The following GRK5 variants were observed in gnomAD, a reference collection of about 807,000 sequenced individuals.
GRK5 encodes the protein g protein-coupled receptor kinase GRK5.
In GRK5, 40 loss-of-function variants were observed where a neutral mutation model predicts 78.4. The ratio of observed to expected loss-of-function variants is 0.51; its 90% CI spans 0.40 to 0.66. The LOEUF is 0.66. GRK5 is among the 30% of genes least tolerant of loss of function. The probability of loss-of-function intolerance (pLI) is 0.00; values close to 1 mark genes in which losing one functional copy is unlikely to be tolerated. For missense variants in GRK5, 598 were observed against 759.9 expected (o/e 0.79, Z 2.50); for synonymous variants, 289 against 296.8 (o/e 0.97, Z 0.27).
At chr10:119,221,983 T>C (rs894050683) in intron 1 of GRK5, among the ~76,000 whole-genome samples, 4 of 152,312 alleles carry the variant, frequency 2.6e-5, no homozygotes, top group African/African-American at 7.2e-5. Flanking sequence ...GGATTTTGCA[T>C]GTGTAAATCA....
At chr10:119,315,353 A>G (rs868316321) in intron 1 of GRK5, among the ~76,000 whole-genome samples, 16 of 152,202 alleles carry the variant, frequency 1.1e-4, no homozygotes, top group African/African-American at 3.9e-4. Context: ...TCGGGCCTGG[A>G]TGAAAAGAGA....
intron 1 of GRK5, among the ~76,000 whole-genome samples, chr10:119,311,921 T>C (rs1049646319): frequency 4.6e-5 from 7 of 150,772 alleles, no homozygotes; most frequent in African/African-American, 1.7e-4. Flanking sequence ...TTCATTTTTT[T>C]TTTTTTTTTT....
chr10:119,271,284 C>G lies in GRK5; in HGVS notation c.53-55232C>G, dbSNP rs753282490. Among the ~76,000 whole-genome samples the G allele has an allele frequency of 2.6e-5, 4 of 152,328 alleles. No individual in the cohort carries two copies. In the East Asian group the frequency reaches 7.7e-4, roughly 29 times the overall value. On this transcript the variant is annotated intron_variant, in intron 1 of 15. Transcript: ENST00000392870. This position sits in a 1 kb window ranked among gnomAD's most constrained non-coding sequence, Gnocchi z 4.1. ...CACGCCTGGCCTCTTTAGAGGCTCT[C>G]TCATCCCCTCGAGCTGCCAACACAA...
rs574517294 is a variant in GRK5 at position 119,440,951 on chromosome 10, C to G, written c.968-1048C>G. On this transcript the variant is annotated intron_variant, in intron 10 of 15. Transcript: ENST00000392870. ...CAAAACTGAGCCTCAGGGGAGCCAT[C>G]CTGCCAAAGTCACCCAGCAGCATCA... Among the ~76,000 whole-genome samples the G allele has an allele frequency of 3.9e-5, 6 of 152,320 alleles. No individual in the cohort carries two copies. The East Asian group carries it at 1.2e-3, about 29-fold the overall frequency.
At chr10:119,404,951 G>A (rs142177462) in intron 4 of GRK5, among the ~76,000 whole-genome samples, 1,698 of 152,342 alleles carry the variant, frequency 0.011, 22 homozygotes, top group Middle Eastern at 0.034. Flanking sequence ...ATGGGGAAGC[G>A]CCTGCGTGAC....
intron 1 of GRK5, among the ~76,000 whole-genome samples, chr10:119,263,010 T>G (rs1849437228): frequency 6.6e-6 from 1 of 152,088 alleles, no homozygotes; most frequent in African/African-American, 2.4e-5. Flanking sequence ...AGATTCACAA[T>G]GTACATTTTT....
chr10:119,302,753 A>G lies in GRK5; in HGVS notation c.53-23763A>G, dbSNP rs182748681. ...TGATCAGAGGCTGCAGAGCCTGGGA[A>G]CCACAGGAGAGGGTGGGGGCCTGGC... On this transcript the variant is annotated intron_variant, in intron 1 of 15. Transcript: ENST00000392870. Among the ~76,000 whole-genome samples, 321 of 152,090 alleles carry G rather than the reference A, an allele frequency of 2.1e-3. 1 individual carries two copies. The highest frequency in any genetic ancestry group is 7.1e-3 in the African/African-American group (293 of 41,506).
intron 1 of GRK5, among the ~76,000 whole-genome samples, chr10:119,287,081 G>A (rs1010712376): frequency 6.6e-6 from 1 of 151,058 alleles, no homozygotes; most frequent in Non-Finnish European, 1.5e-5. Context: ...AGAAAGGAAG[G>A]GAGGGAGGGA....
chr10:119,207,863 A>C lies in GRK5; in HGVS notation c.-55A>C. 2.0e-6 allele frequency: 3 copies of C among 1,506,428 alleles called. No homozygotes were observed. The highest frequency in any genetic ancestry group is 2.7e-6 in the Non-Finnish European group (3 of 1,113,106). 93.3% of individuals were successfully genotyped at this position (1,506,428 alleles called of 1,614,324 possible). ...GAGCAGCGGCAGCAGCAGCGGCAGC[A>C]CCCCAGGCGCTGACAGCCCCGCCGG... is the stretch of plus-strand genomic sequence containing the variant. On this transcript the variant is annotated 5_prime_UTR_variant, in exon 1 of 16. Coordinates refer to ENST00000392870, the MANE Select transcript of GRK5 (RefSeq NM_005308.3).
rs2133925759 is a variant in GRK5, at chr10:119,456,929, C to G, written c.*1862C>G. 1.3e-5 allele frequency: 2 copies of G among 152,300 alleles called. No homozygotes were observed. The highest frequency in any genetic ancestry group is 3.9e-4 in the East Asian group (2 of 5,180). 9.4% of individuals were successfully genotyped at this position (152,300 alleles called of 1,614,324 possible). Reference sequence around the variant, plus strand: ...CTTTGGGACTGATCATTTTGAGGCCCTTTTACAAAGAAATGGGGGAGAAGA... The same window carrying G: ...CTTTGGGACTGATCATTTTGAGGCCGTTTTACAAAGAAATGGGGGAGAAGA... On this transcript the variant is annotated 3_prime_UTR_variant, in exon 16 of 16. Coordinates refer to ENST00000392870, the MANE Select transcript of GRK5 (RefSeq NM_005308.3). The surrounding 1 kb of genome is among the most constrained non-coding windows in gnomAD (Gnocchi z 5.5).
At position 119,290,367 on chromosome 10, in the gene GRK5, A is replaced by AAC. The variant is rs1554903199; in HGVS notation, c.53-36148_53-36147insCA. 3.3e-4 allele frequency among the ~76,000 whole-genome samples: 45 copies of AAC among 137,596 alleles called. 5 individuals are homozygous for AAC. The highest frequency in any genetic ancestry group is 4.9e-4 in the Non-Finnish European group (31 of 63,206). The allele number at this position is 137,596 out of a possible 152,430, so 90.3% of individuals were successfully genotyped here. On this transcript the variant is annotated intron_variant, in intron 1 of 15. Coordinates refer to ENST00000392870, the MANE Select transcript of GRK5 (RefSeq NM_005308.3). ...GTCTCAAAAAAAAAAAAAAAAACAA[A>AAC]AAACAACTCTGTCCCCTTCTCCCTG...
At chr10:119,423,100 TG>T in intron 4 of GRK5, 65 bp from the exon 5 acceptor site, 2 of 1,090,308 alleles carry the variant, frequency 1.8e-6, no homozygotes, top group Non-Finnish European at 2.8e-6. Flanking sequence ...CCAACACCTG[TG>T]GGCAAACCCG....
intron 1 of GRK5, among the ~76,000 whole-genome samples, chr10:119,285,842 G>C (rs1849839695): frequency 1.3e-5 from 2 of 152,164 alleles, no homozygotes; most frequent in South Asian, 4.2e-4. Flanking sequence ...AGGGATGAAG[G>C]ACCCCTGTGA....
intron 6 of GRK5, among the ~76,000 whole-genome samples, chr10:119,427,350 TCATCA>T (rs1852709066): frequency 6.7e-6 from 1 of 149,220 alleles, no homozygotes; most frequent in Admixed American, 6.6e-5. Context: ...ATCACCACCA[TCATCA>T]GCATCATCAC....
intron 1 of GRK5, among the ~76,000 whole-genome samples, chr10:119,320,563 T>C (rs867034911): frequency 1.3e-5 from 2 of 152,202 alleles, no homozygotes; most frequent in Non-Finnish European, 2.9e-5. Flanking sequence ...ATGGGCCTGC[T>C]TCACAACCGA....
chr10:119,296,423 G>A (rs1850082699), intron 1 of GRK5, among the ~76,000 whole-genome samples: 1 of 152,240 alleles, frequency 6.6e-6, no homozygotes, highest in Non-Finnish European at 1.5e-5. Context: ...CTGTCCACAG[G>A]AGTAAAGGGA....
intron 1 of GRK5, among the ~76,000 whole-genome samples, chr10:119,275,125 G>T (rs1010513139): frequency 2.0e-5 from 3 of 152,292 alleles, no homozygotes; most frequent in Admixed American, 2.0e-4. Context: ...GCTCAGCTTC[G>T]TAGGTGGTGG....
chr10:119,237,366 AT>A (rs1290642095), intron 1 of GRK5, among the ~76,000 whole-genome samples: 5 of 152,178 alleles, frequency 3.3e-5, no homozygotes, highest in African/African-American at 1.2e-4. Flanking sequence ...CCTGGCCTGT[AT>A]TTGCCTTACA....
At chr10:119,396,491 A>C (rs112996750) in intron 3 of GRK5, among the ~76,000 whole-genome samples, 7 of 152,242 alleles carry the variant, frequency 4.6e-5, no homozygotes, top group Non-Finnish European at 1.0e-4. Flanking sequence ...CCTGAGACCC[A>C]GCATCTGTGA....
Sources: allele counts gnomAD v4.1 joint callset (sites outside exome capture counted in the v4.1 genomes callset), GRCh38; gene constraint gnomAD v4.1.1; non-coding constraint Gnocchi (gnomAD v3.1); transcripts MANE v1.5; gene names NCBI Gene and HGNC (gene_info 2026-07-23, HGNC 2026-07-21).